The following WWOX variants were observed in gnomAD, a reference collection of about 807,000 sequenced individuals.
WWOX encodes WW domain-containing oxidoreductase.
In WWOX, 69 loss-of-function variants were observed where a neutral mutation model predicts 46.2. That is an observed-to-expected ratio of 1.49 (90% CI 1.23 to 1.82). The LOEUF (loss-of-function observed/expected upper bound fraction) is 1.82. WWOX is among the 40% of genes most tolerant of loss of function. The pLI is 0.00. For missense variants in WWOX, 919 were observed against 542.6 expected (o/e 1.69, Z -6.89); for synonymous variants, 359 against 202.6 (o/e 1.77, Z -6.56).
At chr16:79,000,958 C>T (rs1444659942) in intron 8 of WWOX, among the ~76,000 whole-genome samples, 1 of 152,098 alleles carries the variant, frequency 6.6e-6, no homozygotes, top group African/African-American at 2.4e-5. Flanking sequence ...GTGTGTGGTT[C>T]AACTATGAGA....
In WWOX at chr16:79,031,925, T is replaced by C. The variant is rs12149209; in HGVS notation, c.1057-179683T>C. Among the ~76,000 whole-genome samples the C allele has an allele frequency of 4.2e-4, 29 of 68,566 alleles. No individual in the cohort carries two copies. In the East Asian group the frequency reaches 5.0e-3, roughly 12 times the overall value. The allele number at this position is 68,566 out of a possible 152,430, so 45.0% of individuals were successfully genotyped here. ...CTATATATATAGATATCTATATATA[T>C]AGATATCTGTATACAGATATCTGTA... On this transcript the variant is annotated intron_variant, in intron 8 of 8. Coordinates refer to ENST00000566780, the MANE Select transcript of WWOX (RefSeq NM_016373.4).
intron 8 of WWOX, among the ~76,000 whole-genome samples, chr16:78,479,950 G>A (rs140406930): frequency 7.3e-4 from 111 of 152,262 alleles, no homozygotes; most frequent in African/African-American, 2.6e-3. Flanking sequence ...CAAGAGAAAG[G>A]GAGTGTAAAG....
chr16:78,734,233 C>T (rs1220482758), intron 8 of WWOX, among the ~76,000 whole-genome samples: 1 of 151,898 alleles, frequency 6.6e-6, no homozygotes, highest in African/African-American at 2.4e-5. Context: ...CAAAATGAGA[C>T]TCTTGGTTTT....
chr16:78,623,434 C>T (rs1450167812), intron 8 of WWOX, among the ~76,000 whole-genome samples: 1 of 152,158 alleles, frequency 6.6e-6, no homozygotes, highest in Admixed American at 6.5e-5. Context: ...CATTCCAGCA[C>T]TTTGGGAGAC....
chr16:79,155,752 C>T (rs1382339442), intron 8 of WWOX, among the ~76,000 whole-genome samples: 1 of 152,064 alleles, frequency 6.6e-6, no homozygotes, highest in Non-Finnish European at 1.5e-5. Flanking sequence ...ATCCATGGAT[C>T]GCATTTTGAA....
intron 4 of WWOX, among the ~76,000 whole-genome samples, chr16:78,162,041 G>A (rs1403465344): frequency 6.6e-6 from 1 of 152,046 alleles, no homozygotes; most frequent in East Asian, 1.9e-4. Context: ...GTTACTTTCT[G>A]CATCTCTGGG....
intron 8 of WWOX, among the ~76,000 whole-genome samples, chr16:78,870,799 A>C (rs548983064): frequency 1.4e-3 from 212 of 152,180 alleles, no homozygotes; most frequent in Non-Finnish European, 2.1e-3. Context: ...ACGGGTTTTC[A>C]CCGTGTTGCC....
chr16:79,100,277 G>A (rs1282828259), intron 8 of WWOX, among the ~76,000 whole-genome samples: 1 of 152,152 alleles, frequency 6.6e-6, no homozygotes, highest in Non-Finnish European at 1.5e-5. Context: ...AGATTAGAAT[G>A]TCTTCTTTTG....
chr16:78,561,032 C>G (rs921767261), intron 8 of WWOX, among the ~76,000 whole-genome samples: 3 of 152,178 alleles, frequency 2.0e-5, no homozygotes, highest in African/African-American at 7.2e-5. Flanking sequence ...GGAGGAACAT[C>G]CTTTCCTGCA....
At chr16:78,630,665 C>T (rs1298783697) in intron 8 of WWOX, among the ~76,000 whole-genome samples, 1 of 152,186 alleles carries the variant, frequency 6.6e-6, no homozygotes, top group African/African-American at 2.4e-5. Flanking sequence ...TCCCTGTGCT[C>T]ATTTTGCCTT....
chr16:78,332,796 A>ATGT (rs1296800473), intron 5 of WWOX, among the ~76,000 whole-genome samples: 3 of 152,146 alleles, frequency 2.0e-5, no homozygotes, highest in Non-Finnish European at 2.9e-5. Context: ...CATGGGTTCC[A>ATGT]CAGGAAATAT....
At chr16:78,896,673 G>A (rs1447183482) in intron 8 of WWOX, 1 of 152,000 alleles carries the variant, frequency 6.6e-6, no homozygotes, top group Non-Finnish European at 1.5e-5. Flanking sequence ...AAGCATTTTT[G>A]TCGATTGGAT....
chr16:78,582,308 T>C (rs1254793577), intron 8 of WWOX, among the ~76,000 whole-genome samples: 1 of 152,222 alleles, frequency 6.6e-6, no homozygotes, highest in Non-Finnish European at 1.5e-5. Context: ...ACGCTTGTCA[T>C]CTGAGGTTAC....
At position 78,459,577 on chromosome 16, in the gene WWOX, C is replaced by G. The variant is rs142400172; in HGVS notation, c.1056+26825C>G. ...TTGTGGTATATGGCTTAATTGTAAG[C>G]GATCAGGCATCAATGGCTTTTTATG... On this transcript the variant is annotated intron_variant, in intron 8 of 8. Transcript: ENST00000566780. Among the ~76,000 whole-genome samples the G allele has an allele frequency of 2.0e-5, 3 of 152,126 alleles. No homozygotes were observed. In the East Asian group the frequency reaches 5.8e-4, roughly 29 times the overall value.
intron 5 of WWOX, among the ~76,000 whole-genome samples, chr16:78,328,696 C>G (rs1409654553): frequency 6.6e-6 from 1 of 152,166 alleles, no homozygotes; most frequent in Non-Finnish European, 1.5e-5. Context: ...TGTGACTGGA[C>G]TTTTGACAAG....
Position 78,593,207 on chromosome 16 carries a change from A to ATT in WWOX, c.1056+160464_1056+160465dup, listed in dbSNP as rs35803353. Among the ~76,000 whole-genome samples the ATT allele has an allele frequency of 9.3e-4, 139 of 150,230 alleles. 1 individual carries two copies. Among genetic ancestry groups the ATT allele is most frequent in the African/African-American group, 1.2e-3 (48 of 40,948 alleles). On this transcript the variant is annotated intron_variant, in intron 8 of 8. Coordinates refer to ENST00000566780, the MANE Select transcript of WWOX (RefSeq NM_016373.4). ...TTCTTTTGAGGATCACTTGATCCTGATTTTTTTTTTATGTGTATAGATGGG... is the reference window on the plus strand; with the variant it reads ...TTCTTTTGAGGATCACTTGATCCTGATTTTTTTTTTTTATGTGTATAGATGGG...
At chr16:78,123,428 GTTTTTTGTTTTGTTT>G (rs2033192463) in intron 4 of WWOX, 2 of 61,050 alleles carry the variant, frequency 3.3e-5, no homozygotes, top group Admixed American at 1.7e-4. Context: ...TTTTTTCTTT[GTTTTTTGTTTTGTTT>G]TTTTTTTTTT....
intron 8 of WWOX, among the ~76,000 whole-genome samples, chr16:78,541,711 G>A (rs1191328661): frequency 6.6e-6 from 1 of 151,762 alleles, no homozygotes; most frequent in Non-Finnish European, 1.5e-5. Flanking sequence ...TTCCCCTCCA[G>A]GTCCTTATCT....
intron 8 of WWOX, among the ~76,000 whole-genome samples, chr16:78,909,335 T>A (rs948882301): frequency 1.3e-5 from 2 of 152,194 alleles, no homozygotes; most frequent in Non-Finnish European, 2.9e-5. Flanking sequence ...CAGATCCGCT[T>A]TGGTAAGAGT....
Sources: gnomAD v4.1 joint callset for allele counts (sites outside exome capture counted in the v4.1 genomes callset) on GRCh38, gnomAD v4.1.1 for gene constraint, MANE v1.5 for transcripts, NCBI Gene and HGNC (gene_info 2026-07-23, HGNC 2026-07-21) for gene names.